TMEM117: variants seen among roughly 807,000 people sequenced by gnomAD.
TMEM117 encodes the protein transmembrane protein 117.
Under a neutral mutation model 52.4 loss-of-function variants are expected in TMEM117, and 27 were observed. The ratio of observed to expected loss-of-function variants is 0.51; its 90% CI spans 0.38 to 0.71. TMEM117 has a LOEUF of 0.71. Ranked by LOEUF, TMEM117 falls within the 30% of genes least tolerant of loss-of-function variation. The pLI is 0.00. For synonymous variants in TMEM117, 215 were observed against 206.3 expected (o/e 1.04, Z -0.36); for missense variants, 556 against 630.5 (o/e 0.88, Z 1.26).
chr12:44,381,345 C>T (rs1952017397), intron 7 of TMEM117, among the ~76,000 whole-genome samples: 2 of 152,166 alleles, frequency 1.3e-5, no homozygotes, highest in Non-Finnish European at 2.9e-5. Context: ...TTCCCCTTTA[C>T]CTGTAAGGTA....
chr12:43,837,407 A>G (rs1721341137), intron 1 of TMEM117, among the ~76,000 whole-genome samples: 1 of 151,830 alleles, frequency 6.6e-6, no homozygotes. Flanking sequence ...GTGCAGTGCC[A>G]TGATTTCCAG....
rs1565701583 is a variant in TMEM117, at chr12:44,311,823, GTATATATGTATATATGTA to G, written c.768+12118_768+12135del. 9.4e-5 allele frequency among the ~76,000 whole-genome samples: 8 copies of G among 85,374 alleles called. No homozygotes were observed. The South Asian group carries it at 1.4e-3, about 15-fold the overall frequency. 56.0% of individuals were successfully genotyped at this position (85,374 alleles called of 152,430 possible). A position where few individuals can be genotyped will look rare whatever the true frequency, so the allele number is the denominator to read the frequency against. ...TATATATGTATATATGTATATATAT[GTATATATGTATATATGTA>G]TATATATGTATATATGTATATATAT... On this transcript the variant is annotated intron_variant, in intron 6 of 7. Coordinates refer to ENST00000266534, the MANE Select transcript of TMEM117 (RefSeq NM_032256.3).
At chr12:43,903,458 C>A (rs10748376) in intron 2 of TMEM117, among the ~76,000 whole-genome samples, 150,745 of 152,324 alleles carry the variant, frequency 0.99, 74,620 homozygotes, top group East Asian at 1. Flanking sequence ...TACAGCAGAA[C>A]ATTTTGTTAG....
intron 3 of TMEM117, among the ~76,000 whole-genome samples, chr12:44,074,414 G>T (rs192720229): frequency 6.6e-6 from 1 of 151,976 alleles, no homozygotes; most frequent in African/African-American, 2.4e-5. Context: ...AATTAATAGC[G>T]CCTATGGAAA....
rs117715673 is a variant in TMEM117, at chr12:44,179,937, A to G, written c.511-31353A>G. Among the ~76,000 whole-genome samples, 1,160 of 152,284 alleles carry G rather than the reference A, an allele frequency of 7.6e-3. 5 individuals are homozygous for G. The highest frequency in any genetic ancestry group is 0.013 in the Non-Finnish European group (869 of 68,022). On this transcript the variant is annotated intron_variant, in intron 4 of 7. Transcript: ENST00000266534. ...TCTTCCATGTTGTGATTCAGTGGTG[A>G]GGCTCTTTTTATTTGGTAGCTCTGC...
intron 5 of TMEM117, among the ~76,000 whole-genome samples, chr12:44,251,683 A>C (rs1022814244): frequency 4.6e-5 from 7 of 152,226 alleles, no homozygotes; most frequent in African/African-American, 9.6e-5. Flanking sequence ...CTGACACTGA[A>C]TCTACCAACA....
intron 2 of TMEM117, among the ~76,000 whole-genome samples, chr12:43,941,651 A>AAATTTTT (rs1945046647): frequency 6.6e-6 from 1 of 152,210 alleles, no homozygotes; most frequent in Non-Finnish European, 1.5e-5. Flanking sequence ...AGCTTATGGG[A>AAATTTTT]AATTTTTATA....
upstream of TMEM117, among the ~76,000 whole-genome samples, chr12:43,831,670 A>G (rs547813604): frequency 4.0e-5 from 6 of 151,888 alleles, no homozygotes; most frequent in African/African-American, 1.4e-4. Flanking sequence ...CAGCCTTTCA[A>G]GTAGCTGGGA....
intron 2 of TMEM117, among the ~76,000 whole-genome samples, chr12:43,922,001 C>T (rs571177205): frequency 6.6e-6 from 1 of 152,218 alleles, no homozygotes; most frequent in Admixed American, 6.5e-5. Context: ...CCATAAAAGT[C>T]CTAAAGCTTC....
At chr12:44,064,541 T>C (rs1250284000) in intron 3 of TMEM117, among the ~76,000 whole-genome samples, 2 of 152,160 alleles carry the variant, frequency 1.3e-5, no homozygotes, top group Non-Finnish European at 2.9e-5. Flanking sequence ...ATCTGTTAGC[T>C]TTGTTAGTCA....
At chr12:44,077,939 G>A (rs921821839) in intron 3 of TMEM117, among the ~76,000 whole-genome samples, 1 of 151,934 alleles carries the variant, frequency 6.6e-6, no homozygotes, top group African/African-American at 2.4e-5. Flanking sequence ...ATATGTTGTT[G>A]TACTTATATT....
the TMEM117 span, among the ~76,000 whole-genome samples, chr12:43,801,904 C>G: frequency 4.0e-3 from 606 of 152,256 alleles, 4 homozygotes; most frequent in African/African-American, 0.014. Context: ...GTGGCACATG[C>G]CTGTAATCCC....
At chr12:44,098,461 A>G (rs1364615839) in intron 3 of TMEM117, among the ~76,000 whole-genome samples, 1 of 152,036 alleles carries the variant, frequency 6.6e-6, no homozygotes, top group Non-Finnish European at 1.5e-5. Context: ...GTTTCTGATC[A>G]TAATTTGGAT....
chr12:44,134,383 A>AT (rs1167702595), intron 3 of TMEM117, among the ~76,000 whole-genome samples: 1 of 152,038 alleles, frequency 6.6e-6, no homozygotes, highest in Non-Finnish European at 1.5e-5. Flanking sequence ...AGCCTGGCTA[A>AT]TTTTTTGGTT....
chr12:44,097,616 CA>C (rs909943000), intron 3 of TMEM117, among the ~76,000 whole-genome samples: 95 of 144,764 alleles, frequency 6.6e-4, no homozygotes, highest in African/African-American at 2.1e-3. Context: ...ATTGCAAGGA[CA>C]AAAAACCAAA....
chr12:44,001,189 A>G (rs377747230), intron 3 of TMEM117, among the ~76,000 whole-genome samples: 25 of 152,202 alleles, frequency 1.6e-4, no homozygotes, highest in South Asian at 4.1e-4. Flanking sequence ...AGATTTGCCA[A>G]TTGGATGAAA....
chr12:44,146,691 A>T (rs7132647), intron 4 of TMEM117, among the ~76,000 whole-genome samples: 2,272 of 152,256 alleles, frequency 0.015, 38 homozygotes, highest in African/African-American at 0.051. Flanking sequence ...GATAACATTT[A>T]AAAAAATAAT....
chr12:44,219,869 T>C (rs1176592540), intron 5 of TMEM117, among the ~76,000 whole-genome samples: 3 of 152,198 alleles, frequency 2.0e-5, no homozygotes, highest in African/African-American at 7.2e-5. Flanking sequence ...TAAAGTTCTT[T>C]GCATTCTAAA....
rs779156089 is a variant in TMEM117, at chr12:44,143,528, A to G, written c.414A>G (p.Ala138=). Residue 138 remains alanine, a synonymous_variant, in exon 4 of 8, where the codon GCA becomes GCG. Transcript: ENST00000266534. The stretch of plus-strand genomic sequence containing the variant: ...TCTTGTGTGTTTGTTTCCACAGAGC[A>G]TATATCATTACAGACTATATGGGCA... The part of the protein sequence containing the change: ...TILLMDGNMG[A]YIITDYMGIR... 8.7e-6 allele frequency: 14 copies of G among 1,611,736 alleles called. No homozygotes were observed. In the African/African-American group the frequency reaches 1.7e-4, roughly 20 times the overall value.
Sources: gnomAD v4.1 joint callset for allele counts (sites outside exome capture counted in the v4.1 genomes callset) on GRCh38, gnomAD v4.1.1 for gene constraint, MANE v1.5 for transcripts, NCBI Gene and HGNC (gene_info 2026-07-23, HGNC 2026-07-21) for gene names.